The following ZNF606 variants were observed in gnomAD, a reference collection of about 807,000 sequenced individuals.
ZNF606 encodes the protein zinc finger protein 606, also known as zinc finger protein 328.
A neutral mutation model predicts 74.9 loss-of-function variants in ZNF606; 37 were observed. That is an observed-to-expected ratio of 0.49 (90% CI 0.38 to 0.65). ZNF606 has a LOEUF of 0.65. Among genes scored for constraint, ZNF606 ranks in the 30% least tolerant of loss-of-function variants. The pLI, the probability that ZNF606 is intolerant of heterozygous loss-of-function variation, is 0.00. For synonymous variants in ZNF606, 328 were observed against 312.4 expected, an observed-to-expected ratio of 1.05 and a Z score of -0.53; for missense variants, 852 against 952.9, an observed-to-expected ratio of 0.89 and a Z score of 1.39.
At position 58,000,661 on chromosome 19, in the gene ZNF606, GCTGACCAGGCTC is replaced by G; in HGVS notation, c.88+10_88+21del. 6.2e-7 allele frequency: 1 copy of G among 1,613,766 alleles called. No individual in the cohort carries two copies. Reference sequence around the variant, plus strand: ...AGAGGCCACAATATGGCAGCCCACAGCTGACCAGGCTCTTGACTCACCCCAGGAGGCCCATGG... The same window carrying G: ...AGAGGCCACAATATGGCAGCCCACAGTTGACTCACCCCAGGAGGCCCATGG... On this transcript the variant is annotated intron_variant, in intron 3 of 6. Coordinates refer to ENST00000551380, the MANE Select transcript of ZNF606 (RefSeq NM_001348022.3).
At position 57,985,683 on chromosome 19, in the gene ZNF606, C is replaced by T. The variant is rs1476149293; in HGVS notation, c.400+2524G>A. ...GTGGCTCACGCCTGTAATCCCAGCACTTTGGGAGGGCGAGGTGGGTGGATC... is the reference window on the plus strand; with the variant it reads ...GTGGCTCACGCCTGTAATCCCAGCATTTTGGGAGGGCGAGGTGGGTGGATC... On this transcript the variant is annotated intron_variant, in intron 6 of 6. Coordinates refer to ENST00000551380, the MANE Select transcript of ZNF606 (RefSeq NM_001348022.3). 4.0e-5 allele frequency among the ~76,000 whole-genome samples: 6 copies of T among 151,864 alleles called. 1 individual carries two copies. In the South Asian group the frequency reaches 1.2e-3, roughly 32 times the overall value.
chr19:57,988,173 G>C (rs1186924348), intron 6 of ZNF606, 34 bp downstream of exon 6: 1 of 1,571,496 alleles, frequency 6.4e-7, no homozygotes. Context: ...GGCTTGGGGG[G>C]AAGTTCCTTG....
chr19:57,984,594 T>G (rs1314832860), intron 6 of ZNF606, among the ~76,000 whole-genome samples: 2 of 152,122 alleles, frequency 1.3e-5, no homozygotes, highest in African/African-American at 4.8e-5. Flanking sequence ...GTTGAAAACA[T>G]GAAAAATAAC....
intron 4 of ZNF606, 50 bp downstream of exon 4, chr19:57,999,758 C>A (rs200642341): frequency 7.0e-6 from 11 of 1,571,794 alleles, no homozygotes; most frequent in Non-Finnish European, 8.7e-6. Flanking sequence ...CTGGGATGAC[C>A]AGGGATAACC....
rs950601040 is a variant in ZNF606 at position 58,002,566 on chromosome 19, C to T, written c.-222G>A. Reference sequence around the variant, plus strand: ...CGCGGAGCCGACGTGCAGCAGAGTTCACCCAGGCCCGTCCGACCAGAAAAC... The same window carrying T: ...CGCGGAGCCGACGTGCAGCAGAGTTTACCCAGGCCCGTCCGACCAGAAAAC... On this transcript the variant is annotated 5_prime_UTR_variant, in exon 1 of 7. Coordinates refer to ENST00000551380, the MANE Select transcript of ZNF606 (RefSeq NM_001348022.3). The T allele has an allele frequency of 7.0e-6, 3 of 427,712 alleles. No homozygotes were observed. Among genetic ancestry groups the T allele is most frequent in the East Asian group, 7.1e-5 (1 of 13,988 alleles). The allele number at this position is 427,712 out of a possible 1,614,324, so 26.5% of individuals were successfully genotyped here. A position where few individuals can be genotyped will look rare whatever the true frequency, so the allele number is the denominator to read the frequency against.
At position 57,979,638 on chromosome 19, in the gene ZNF606, T is replaced by G. The variant is rs765437275; in HGVS notation, c.1042A>C (p.Lys348Gln). 6.2e-7 allele frequency: 1 copy of G among 1,613,708 alleles called. No homozygotes were observed. Among genetic ancestry groups the G allele is most frequent in the Non-Finnish European group, 8.5e-7 (1 of 1,180,000 alleles). ...LHVGENQYNYKEYENIFYFSS... is the reference protein window; with the variant it reads ...LHVGENQYNYQEYENIFYFSS... The stretch of plus-strand genomic sequence containing the variant: ...AAATAAAAGATATTCTCATATTCTT[T>G]GTAATTATACTGGTTTTCTCCAACA... The change falls in exon 7 of 7, where the codon AAA becomes CAA. Residue 348 changes from lysine (K) to glutamine (Q), a missense_variant. By Grantham distance (53) the Lys-to-Gln change is moderately conservative (BLOSUM62 1). Around this residue, in one of 3 missense-constraint regions of ZNF606, gnomAD observed 545 missense variants for 542.5 expected, o/e 1.00. Transcript: ENST00000551380.
At chr19:57,980,662 T>C (rs952381737) in intron 6 of ZNF606, among the ~76,000 whole-genome samples, 138 of 152,036 alleles carry the variant, frequency 9.1e-4, no homozygotes, top group African/African-American at 3.0e-3. Flanking sequence ...AGTGAAACCC[T>C]GTCTCTACTA....
intron 4 of ZNF606, among the ~76,000 whole-genome samples, chr19:57,995,322 G>A (rs936599889): frequency 4.1e-4 from 62 of 151,966 alleles, no homozygotes; most frequent in African/African-American, 1.4e-3. Flanking sequence ...AGCTTTCACT[G>A]GAGCAGCAAA....
chr19:58,001,240 C>A (rs1278789886), intron 2 of ZNF606, 49 bp downstream of exon 2: 1 of 1,609,914 alleles, frequency 6.2e-7, no homozygotes, highest in Admixed American at 1.7e-5. Context: ...CCCATGACTG[C>A]AGCAGCTAAT....
At chr19:57,984,519 CAAG>C (rs2073136186) in intron 6 of ZNF606, among the ~76,000 whole-genome samples, 1 of 152,176 alleles carries the variant, frequency 6.6e-6, no homozygotes, top group Non-Finnish European at 1.5e-5. Context: ...CTTCAGGACT[CAAG>C]AAGAGGCTGT....
In ZNF606 at chr19:58,001,194, C is replaced by T. The variant is rs560555319; in HGVS notation, c.31+95G>A. ...GTACCAAGATAGACAGACCCCCTTC[C>T]ATCCTCAAAAGTCCTCAGCCCATCA... On this transcript the variant is annotated intron_variant, in intron 2 of 6. Coordinates refer to ENST00000551380, the MANE Select transcript of ZNF606 (RefSeq NM_001348022.3). The T allele has an allele frequency of 4.8e-6, 7 of 1,443,616 alleles. No individual in the cohort carries two copies. In the East Asian group the frequency reaches 1.4e-4, roughly 29 times the overall value. 89.4% of individuals were successfully genotyped at this position (1,443,616 alleles called of 1,614,324 possible).
intron 2 of ZNF606, 33 bp from the exon 3 acceptor site, chr19:58,000,772 C>T: frequency 6.5e-7 from 1 of 1,528,040 alleles, no homozygotes. Context: ...GACTGTGACA[C>T]CAAACCTAGT....
chr19:57,995,380 A>G (rs188818240), intron 4 of ZNF606, among the ~76,000 whole-genome samples: 2 of 152,216 alleles, frequency 1.3e-5, no homozygotes, highest in Non-Finnish European at 2.9e-5. Flanking sequence ...AAAAGAAACT[A>G]TGAACACAGA....
intron 6 of ZNF606, 27 bp from the exon 7 acceptor site, chr19:57,980,306 A>C: frequency 6.4e-7 from 1 of 1,567,100 alleles, no homozygotes; most frequent in East Asian, 2.2e-5. Flanking sequence ...AAAAGCTATG[A>C]GAGCATAGAG....
At chr19:57,980,402 CT>C in intron 6 of ZNF606, 123 bp from the exon 7 acceptor site, 1 of 953,644 alleles carries the variant, frequency 1.0e-6, no homozygotes, top group Non-Finnish European at 1.5e-6. Context: ...CAAGTCCAGG[CT>C]TAGAACTCAG....
chr19:57,986,347 G>A (rs764741808), intron 6 of ZNF606, among the ~76,000 whole-genome samples: 8 of 152,030 alleles, frequency 5.3e-5, no homozygotes, highest in Non-Finnish European at 7.4e-5. Flanking sequence ...AGCTACTCAG[G>A]AGGCTGAGAT....
At chr19:57,990,255 C>T (rs978616060) in intron 4 of ZNF606, among the ~76,000 whole-genome samples, 5 of 151,164 alleles carry the variant, frequency 3.3e-5, no homozygotes, top group African/African-American at 1.2e-4. Flanking sequence ...GTCCCAGCTA[C>T]TCGGGAGGCT....
At chr19:57,983,383 T>C (rs1298492416) in intron 6 of ZNF606, among the ~76,000 whole-genome samples, 1 of 152,094 alleles carries the variant, frequency 6.6e-6, no homozygotes, top group Non-Finnish European at 1.5e-5. Context: ...AGGACCAGCC[T>C]GGCCAGCATG....
In ZNF606 at chr19:57,980,177, T is replaced by C; in HGVS notation, c.503A>G (p.Asp168Gly). The change falls in exon 7 of 7, where the codon GAT (aspartate) becomes GGT (glycine). Residue 168 changes from aspartate (D) to glycine (G), a missense_variant. By Grantham distance (94) the Asp-to-Gly change is moderately conservative. Around this residue, in one of 3 missense-constraint regions of ZNF606, gnomAD observed 545 missense variants for 542.5 expected, o/e 1.00. Coordinates refer to ENST00000551380, the MANE Select transcript of ZNF606 (RefSeq NM_001348022.3). ...AACTTCTAACCTGGAGAACCAAGGA[T>C]CATCCCATATATATCTTTCCAACTT... ...GMKLERYIWD[D>G]PWFSRLEVLG... 1.2e-6 allele frequency: 2 copies of C among 1,614,184 alleles called. No individual in the cohort carries two copies. The highest frequency in any genetic ancestry group is 1.7e-6 in the Non-Finnish European group (2 of 1,180,042).
Sources: gnomAD v4.1 joint callset for allele counts (sites outside exome capture counted in the v4.1 genomes callset) on GRCh38, gnomAD v4.1.1 for gene constraint, gnomAD v4.1.1 regional missense constraint, MANE v1.5 for transcripts, NCBI Gene and HGNC (gene_info 2026-07-23, HGNC 2026-07-21) for gene names.